The following MYO5A variants were observed in gnomAD, a reference collection of about 807,000 sequenced individuals.
MYO5A encodes myosin VA.
In MYO5A, 98 loss-of-function variants were observed where a neutral mutation model predicts 249.7. That is an observed-to-expected ratio of 0.39 (90% CI 0.33 to 0.46). The LOEUF is 0.46. Among genes scored for constraint, MYO5A ranks in the 20% least tolerant of loss-of-function variants. The pLI is 0.98. For missense variants in MYO5A, 1,696 were observed against 2,308.8 expected, an observed-to-expected ratio of 0.73 and a Z score of 5.44; for synonymous variants, 778 against 810.6, an observed-to-expected ratio of 0.96 and a Z score of 0.68.
At chr15:52,328,035 T>A in intron 35 of MYO5A, 29 bp from the exon 36 acceptor site, 3 of 1,581,060 alleles carry the variant, frequency 1.9e-6, no homozygotes, top group Non-Finnish European at 1.7e-6. Flanking sequence ...TAATTTTATA[T>A]AACATGGAAA....
At chr15:52,416,347 T>C (rs747389604) in intron 4 of MYO5A, 46 bp from the exon 5 acceptor site, 18 of 1,584,282 alleles carry the variant, frequency 1.1e-5, no homozygotes, top group African/African-American at 8.1e-5. Context: ...TTGCTGCCTA[T>C]AGCAGGATTG....
intron 9 of MYO5A, among the ~76,000 whole-genome samples, chr15:52,403,979 C>T (rs1713839962): frequency 6.6e-6 from 1 of 152,118 alleles, no homozygotes; most frequent in Non-Finnish European, 1.5e-5. Flanking sequence ...AGTTACAGGG[C>T]TGGATGTGGT....
chr15:52,394,654 G>C (rs778290519), intron 11 of MYO5A, among the ~76,000 whole-genome samples: 9 of 152,168 alleles, frequency 5.9e-5, no homozygotes, highest in Non-Finnish European at 1.3e-4. Context: ...AGGAAGAGAC[G>C]CAAGAGACCA....
intron 9 of MYO5A, among the ~76,000 whole-genome samples, chr15:52,397,889 T>G (rs551497916): frequency 1.2e-3 from 178 of 152,318 alleles, no homozygotes; most frequent in African/African-American, 4.0e-3. Context: ...GATTGCTCCC[T>G]AAAATGAAAA....
chr15:52,428,447 A>G lies in MYO5A; in HGVS notation c.261T>C (p.His87=), dbSNP rs1201961776. Residue 87 remains histidine (H), a synonymous_variant, in exon 3 of 42, where the codon CAT becomes CAC. Transcript: ENST00000399233. ...LSYLHEPAVL[H]NLRVRFIDSK... ...AATCAATAAAGCGGACTCTGAGATT[A>G]TGGAGCACAGCAGGCTCATGAAGAT... 1 of 1,614,090 alleles carries G rather than the reference A, an allele frequency of 6.2e-7. No homozygotes were observed. The highest frequency in any genetic ancestry group is 8.5e-7 in the Non-Finnish European group (1 of 1,180,008).
At chr15:52,337,418 G>A (rs952071593) in intron 33 of MYO5A, among the ~76,000 whole-genome samples, 2 of 152,242 alleles carry the variant, frequency 1.3e-5, no homozygotes, top group Non-Finnish European at 2.9e-5. Flanking sequence ...TGTTATTCAG[G>A]TTATGGAGAA....
At chr15:52,522,826 TTC>T (rs755808846) in intron 1 of MYO5A, among the ~76,000 whole-genome samples, 10 of 130,208 alleles carry the variant, frequency 7.7e-5, no homozygotes, top group Non-Finnish European at 1.5e-4. Flanking sequence ...CTTCCTCCAG[TTC>T]TCTTTCATTA....
chr15:52,477,799 G>A (rs954562201), intron 1 of MYO5A, among the ~76,000 whole-genome samples: 10 of 152,176 alleles, frequency 6.6e-5, no homozygotes, highest in South Asian at 2.1e-4. Flanking sequence ...GCACCCGGCC[G>A]TATGAGGTGT....
At chr15:52,496,527 T>C (rs1176895756) in intron 1 of MYO5A, among the ~76,000 whole-genome samples, 1 of 152,190 alleles carries the variant, frequency 6.6e-6, no homozygotes, top group Admixed American at 6.5e-5. Context: ...TCTTAAAATC[T>C]AGGAAGACCC....
chr15:52,513,820 T>C (rs1013793939), intron 1 of MYO5A, among the ~76,000 whole-genome samples: 4 of 152,200 alleles, frequency 2.6e-5, no homozygotes, highest in Non-Finnish European at 5.9e-5. Flanking sequence ...GAGTAGCATG[T>C]TGAGATCTCT....
chr15:52,465,659 G>C (rs1358009510), intron 1 of MYO5A, among the ~76,000 whole-genome samples: 1 of 151,974 alleles, frequency 6.6e-6, no homozygotes, highest in Non-Finnish European at 1.5e-5. Context: ...CCTGTCTCTA[G>C]AAAATAAATA....
intron 1 of MYO5A, among the ~76,000 whole-genome samples, chr15:52,443,403 G>A (rs2075822971): frequency 6.6e-6 from 1 of 152,110 alleles, no homozygotes; most frequent in Non-Finnish European, 1.5e-5. Flanking sequence ...TTTTTTTGCT[G>A]ACTCTGCAAG....
chr15:52,341,134 A>C (rs2039364136), intron 31 of MYO5A, among the ~76,000 whole-genome samples: 1 of 152,244 alleles, frequency 6.6e-6, no homozygotes, highest in African/African-American at 2.4e-5. Flanking sequence ...CTTCCAAATT[A>C]ACTAAATGTG....
intron 1 of MYO5A, among the ~76,000 whole-genome samples, chr15:52,519,341 G>A (rs1345405823): frequency 6.6e-6 from 1 of 152,164 alleles, no homozygotes; most frequent in Non-Finnish European, 1.5e-5. Flanking sequence ...GGCCGGGCAT[G>A]GTAGCTCCCG....
chr15:52,481,778 C>A (rs1430812270), intron 1 of MYO5A, among the ~76,000 whole-genome samples: 1 of 151,996 alleles, frequency 6.6e-6, no homozygotes, highest in Non-Finnish European at 1.5e-5. Context: ...AAATGAGAGG[C>A]CAGAGAGATT....
chr15:52,492,742 G>A (rs2076959105), intron 1 of MYO5A, among the ~76,000 whole-genome samples: 1 of 152,202 alleles, frequency 6.6e-6, no homozygotes, highest in Non-Finnish European at 1.5e-5. Context: ...TTAACAGTAT[G>A]TCTGGGACTT....
In MYO5A at chr15:52,397,231, T is replaced by C. The variant is rs1458258342; in HGVS notation, c.1289A>G (p.His430Arg). The C allele has an allele frequency of 3.1e-6, 5 of 1,613,902 alleles. No individual in the cohort carries two copies. Among genetic ancestry groups the C allele is most frequent in the Non-Finnish European group, 4.2e-6 (5 of 1,179,982 alleles). Residue 430 changes from histidine (H) to arginine (R), a missense_variant, in exon 10 of 42, where the codon CAC (histidine) becomes CGC (arginine). Around this residue, in one of 5 missense-constraint regions of MYO5A, gnomAD observed 185 missense variants for 204.8 expected, o/e 0.90. Transcript: ENST00000399233. Reference sequence around the variant, plus strand: ...AATGTCTAGCACACCAATAAAAGAGTGCTGTTTGACAGCAGAATGGAGAGC... The same window carrying C: ...AATGTCTAGCACACCAATAAAAGAGCGCTGTTTGACAGCAGAATGGAGAGC... The part of the protein sequence containing the change: ...NQALHSAVKQ[H>R]SFIGVLDIYG...
Position 52,405,334 on chromosome 15 carries a change from C to T in MYO5A, c.1006G>A (p.Gly336Ser). 7 of 1,613,950 alleles carry T rather than the reference C, an allele frequency of 4.3e-6. No individual in the cohort carries two copies. The highest frequency in any genetic ancestry group is 5.9e-6 in the Non-Finnish European group (7 of 1,179,902). The change falls in exon 9 of 42, where the codon GGC becomes AGC. Residue 336 changes from glycine to serine, a missense_variant. Gly to Ser is a moderately conservative substitution (Grantham distance 56). Transcript: ENST00000399233. Reference sequence around the variant, plus strand: ...TCTCGGGATGTAAATCCAACATTGCCTAAGTGAAGGATGCCAGCAAGTATT... The same window carrying T: ...TCTCGGGATGTAAATCCAACATTGCTTAAGTGAAGGATGCCAGCAAGTATT... ...FRILAGILHL[G>S]NVGFTSRDAD...
At chr15:52,345,510 G>C (rs952983617) in intron 30 of MYO5A, among the ~76,000 whole-genome samples, 9 of 151,706 alleles carry the variant, frequency 5.9e-5, no homozygotes, top group South Asian at 2.1e-4. Flanking sequence ...GCTTGAACCT[G>C]GGGGGCGGAG....
Sources: gnomAD v4.1 joint callset for allele counts (sites outside exome capture counted in the v4.1 genomes callset) on GRCh38, gnomAD v4.1.1 for gene constraint, gnomAD v4.1.1 regional missense constraint, MANE v1.5 for transcripts, NCBI Gene and HGNC (gene_info 2026-07-23, HGNC 2026-07-21) for gene names.